The following RASAL2 variants were observed in gnomAD, a reference collection of about 807,000 sequenced individuals.
The protein encoded by RASAL2 is RAS protein activator like 2.
A neutral mutation model predicts 128.9 loss-of-function variants in RASAL2; 58 were observed. The ratio of observed to expected loss-of-function variants is 0.45; its 90% confidence interval spans 0.36 to 0.56. RASAL2 has a LOEUF of 0.56. RASAL2 is among the 20% of genes least tolerant of loss of function. The pLI is 0.00. For synonymous variants in RASAL2, 561 were observed against 580.8 expected (o/e 0.97, Z 0.49); for missense variants, 1,360 against 1,601.6 (o/e 0.85, Z 2.57).
chr1:178,382,225 T>C (rs936173309), intron 3 of RASAL2, among the ~76,000 whole-genome samples: 1 of 152,330 alleles, frequency 6.6e-6, no homozygotes, highest in African/African-American at 2.4e-5. Context: ...ATAAGTTGTT[T>C]CCTGTTTTGT....
At chr1:178,335,825 A>G (rs1669559444) in intron 3 of RASAL2, among the ~76,000 whole-genome samples, 1 of 152,204 alleles carries the variant, frequency 6.6e-6, no homozygotes, top group African/African-American at 2.4e-5. Flanking sequence ...AAAGAGCAAT[A>G]GCTTCTGATA....
At chr1:178,236,548 T>A (rs1334851475) in intron 1 of RASAL2, among the ~76,000 whole-genome samples, 1 of 152,154 alleles carries the variant, frequency 6.6e-6, no homozygotes, top group Non-Finnish European at 1.5e-5. Flanking sequence ...GATTAGTAAT[T>A]CCTTGGTTTT....
At chr1:178,346,403 TAA>T (rs369075200) in intron 3 of RASAL2, among the ~76,000 whole-genome samples, 1 of 143,668 alleles carries the variant, frequency 7.0e-6, no homozygotes, top group Non-Finnish European at 1.5e-5. Context: ...CTTGTATCTT[TAA>T]AAAAAAAAAA....
intron 1 of RASAL2, among the ~76,000 whole-genome samples, chr1:178,157,354 G>A (rs537880407): frequency 6.6e-6 from 1 of 152,286 alleles, no homozygotes; most frequent in South Asian, 2.1e-4. Flanking sequence ...CACAGCCAGA[G>A]CTTGGAATTT....
rs1553255566 is a variant in RASAL2 at position 178,164,508 on chromosome 1, T to TGTGTGC, written c.202+69819_202+69820insCGTGTG. Among the ~76,000 whole-genome samples, 46 of 94,072 alleles carry TGTGTGC rather than the reference T, an allele frequency of 4.9e-4. No homozygotes were observed. The East Asian group carries it at 8.8e-3, about 18-fold the overall frequency. 61.7% of individuals were successfully genotyped at this position (94,072 alleles called of 152,430 possible). On this transcript the variant is annotated intron_variant, in intron 1 of 17. Transcript: ENST00000367649. ...GTGTGTGTGTGTGTGTGTGTGTGCG[T>TGTGTGC]GTGTGTGTGTGTGTGTTTTAAACTG...
intron 3 of RASAL2, among the ~76,000 whole-genome samples, chr1:178,334,074 C>T (rs369117418): frequency 1.2e-4 from 19 of 152,220 alleles, no homozygotes; most frequent in Admixed American, 2.6e-4. Context: ...ATAGGCCTTG[C>T]GTAATTCCAT....
chr1:178,402,489 T>A lies in RASAL2; in HGVS notation c.564+12283T>A, dbSNP rs547959234. Among the ~76,000 whole-genome samples the A allele has an allele frequency of 1.2e-3, 187 of 152,176 alleles. 1 individual carries two copies. The highest frequency in any genetic ancestry group is 4.3e-3 in the African/African-American group (178 of 41,528). ...GGTGCCAAATTTACAATGGAAAAAC[T>A]GTTTGCAGTATTACAAACAGTATAG... is the stretch of plus-strand genomic sequence containing the variant. On this transcript the variant is annotated intron_variant, in intron 4 of 17. Coordinates refer to ENST00000367649, the MANE Select transcript of RASAL2 (RefSeq NM_170692.4).
At chr1:178,424,742 T>A (rs1479980883) in intron 5 of RASAL2, among the ~76,000 whole-genome samples, 2 of 152,202 alleles carry the variant, frequency 1.3e-5, no homozygotes, top group African/African-American at 4.8e-5. Flanking sequence ...ATTACAAGTG[T>A]GAGCCACCAT....
intron 3 of RASAL2, among the ~76,000 whole-genome samples, chr1:178,354,440 A>C (rs1670689300): frequency 6.6e-6 from 1 of 152,204 alleles, no homozygotes; most frequent in Non-Finnish European, 1.5e-5. Flanking sequence ...CAAGGCTGGG[A>C]TGTCCATTAT....
intron 4 of RASAL2, among the ~76,000 whole-genome samples, chr1:178,406,964 C>G (rs1466872129): frequency 2.0e-5 from 3 of 151,846 alleles, no homozygotes; most frequent in Non-Finnish European, 4.4e-5. Flanking sequence ...TTTTAGTTTG[C>G]TTAATAAAAA....
chr1:178,460,314 C>A (rs1190146012), intron 14 of RASAL2, among the ~76,000 whole-genome samples: 3 of 149,012 alleles, frequency 2.0e-5, no homozygotes, highest in Admixed American at 2.0e-4. Flanking sequence ...TTTTTTTTTT[C>A]TTTTGCTTAC....
intron 4 of RASAL2, among the ~76,000 whole-genome samples, chr1:178,416,850 G>A (rs1674790091): frequency 6.6e-6 from 1 of 151,712 alleles, no homozygotes; most frequent in African/African-American, 2.4e-5. Flanking sequence ...GCTTATTTTT[G>A]TTCCTCTGTA....
chr1:178,438,102 TTGTGTGTG>T (rs58641965), intron 5 of RASAL2, among the ~76,000 whole-genome samples: 61 of 142,152 alleles, frequency 4.3e-4, no homozygotes, highest in African/African-American at 1.2e-3. Context: ...AAATGGTGGC[TTGTGTGTG>T]TGTGTGTGTG....
intron 1 of RASAL2, among the ~76,000 whole-genome samples, chr1:178,279,230 A>G (rs1232631200): frequency 1.3e-5 from 2 of 152,148 alleles, no homozygotes; most frequent in Non-Finnish European, 2.9e-5. Flanking sequence ...AACCTGCTTT[A>G]TTAACTTTTA....
At chr1:178,195,570 G>T (rs755147901) in intron 1 of RASAL2, among the ~76,000 whole-genome samples, 5 of 151,886 alleles carry the variant, frequency 3.3e-5, no homozygotes, top group African/African-American at 9.7e-5. Context: ...AACCTACCTC[G>T]TAGAGTGCTG....
intron 1 of RASAL2, among the ~76,000 whole-genome samples, chr1:178,269,409 G>A (rs1408924777): frequency 6.6e-6 from 1 of 152,202 alleles, no homozygotes; most frequent in Admixed American, 6.5e-5. Flanking sequence ...GTGAACCAGA[G>A]CAATTCTATC....
intron 1 of RASAL2, among the ~76,000 whole-genome samples, chr1:178,255,434 C>G (rs1012099493): frequency 4.6e-5 from 7 of 151,818 alleles, no homozygotes; most frequent in South Asian, 2.1e-4. Flanking sequence ...TTGCTAATTA[C>G]GCACGAAAGA....
intron 5 of RASAL2, among the ~76,000 whole-genome samples, chr1:178,427,792 A>ATG (rs770926443): frequency 2.0e-5 from 3 of 151,854 alleles, no homozygotes; most frequent in East Asian, 1.9e-4. Flanking sequence ...TCATTTGTGC[A>ATG]TGTGTGTGTG....
intron 1 of RASAL2, among the ~76,000 whole-genome samples, chr1:178,257,724 C>T (rs1199214957): frequency 3.3e-5 from 5 of 151,776 alleles, no homozygotes; most frequent in Non-Finnish European, 7.4e-5. Flanking sequence ...TGCTTGTAGT[C>T]CCAGGTACTC....
Sources: allele counts gnomAD v4.1 joint callset (sites outside exome capture counted in the v4.1 genomes callset), GRCh38; gene constraint gnomAD v4.1.1; transcripts MANE v1.5; gene names NCBI Gene and HGNC (gene_info 2026-07-23, HGNC 2026-07-21).